The following MXD3 variants were observed in gnomAD, a reference collection of about 807,000 sequenced individuals.
MXD3 encodes Max-associated protein 3.
In MXD3, 20 loss-of-function variants were observed where a neutral mutation model predicts 27.5. The ratio of observed to expected loss-of-function variants is 0.73; its 90% CI spans 0.51 to 1.06. The LOEUF (loss-of-function observed/expected upper bound fraction) is 1.06. Ranked by LOEUF, MXD3 falls within the 50% of genes least tolerant of loss-of-function variation. The pLI is 0.00. For missense variants in MXD3, 298 were observed against 291.3 expected (o/e 1.02, Z -0.17); for synonymous variants, 150 against 130.7 (o/e 1.15, Z -1.01).
At chr5:177,306,891 T>G, downstream of MXD3, 2 of 746,880 alleles carry the variant, frequency 2.7e-6, no homozygotes, top group Non-Finnish European at 4.2e-6. Context: ...GGTTTTGTTC[T>G]CTGATGTGTC....
In MXD3 at chr5:177,311,359, G is replaced by A. The variant is rs1408041824; in HGVS notation, c.176+20C>T. On this transcript the variant is annotated intron_variant, in intron 2 of 5. Transcript: ENST00000439742. ...GGCGCCCACCCCCACCCCCACTCCCGCCGCCCCCGGCCTCCTCACCGCCCG... is the reference window on the plus strand; with the variant it reads ...GGCGCCCACCCCCACCCCCACTCCCACCGCCCCCGGCCTCCTCACCGCCCG... 1.7e-5 allele frequency: 11 copies of A among 655,088 alleles called. No homozygotes were observed. Among genetic ancestry groups the A allele is most frequent in the South Asian group, 2.1e-5 (1 of 48,450 alleles). 40.6% of individuals were successfully genotyped at this position (655,088 alleles called of 1,614,324 possible). A position where few individuals can be genotyped will look rare whatever the true frequency, so the allele number is the denominator to read the frequency against.
chr5:177,312,022 C>G (rs1176049423), upstream of MXD3: 1 of 1,261,844 alleles, frequency 7.9e-7, no homozygotes, highest in Non-Finnish European at 1.0e-6. Context: ...CGCAGCCCAC[C>G]CTCCGGCAGC....
Position 177,311,777 on chromosome 5 carries a change from CAGGA to C in MXD3, c.50_53del (p.Phe17TrpfsTer56). 1 of 1,613,152 alleles carries C rather than the reference CAGGA, an allele frequency of 6.2e-7. No homozygotes were observed. Among genetic ancestry groups the C allele is most frequent in the Non-Finnish European group, 8.5e-7 (1 of 1,179,590 alleles). On this transcript the variant is annotated frameshift_variant, in exon 1 of 6. Transcript: ENST00000439742. LOFTEE classifies it high-confidence loss of function. ...CTTCCTCACCTCTCTCACGGCGCTC[CAGGA>C]ACTCGGCCGCCTGCAGCAGGACCTG...
downstream of MXD3, chr5:177,306,668 T>C (rs1324210425): frequency 4.0e-6 from 6 of 1,489,276 alleles, no homozygotes; most frequent in Non-Finnish European, 5.4e-6. Flanking sequence ...TCCAGCCCTG[T>C]CTGCTGTCTA....
chr5:177,312,435 G>A, upstream of MXD3: 1 of 985,548 alleles, frequency 1.0e-6, no homozygotes. Flanking sequence ...TGATCCACAC[G>A]TTCGGGCGGG....
At chr5:177,308,072 C>T (rs1021114360) in intron 4 of MXD3, 108 bp from the exon 5 acceptor site, 43 of 1,094,746 alleles carry the variant, frequency 3.9e-5, no homozygotes, top group East Asian at 2.1e-4. Context: ...ATGCCCACTC[C>T]GGGCAGGTGG....
downstream of MXD3, chr5:177,306,243 C>G: frequency 6.3e-7 from 1 of 1,576,246 alleles, no homozygotes; most frequent in Non-Finnish European, 8.7e-7. Context: ...GGCGTGGAGT[C>G]TGGGTTAGTC....
At chr5:177,308,379 T>G (rs983229679) in intron 4 of MXD3, among the ~76,000 whole-genome samples, 1 of 145,432 alleles carries the variant, frequency 6.9e-6, no homozygotes. Context: ...TTGTTTTTTG[T>G]TTTTTTTTTT....
downstream of MXD3, chr5:177,307,159 C>G (rs1298601958): frequency 6.5e-7 from 1 of 1,547,068 alleles, no homozygotes; most frequent in Admixed American, 2.0e-5. Context: ...TCCAGTGGGT[C>G]TGTGGTTGGG....
At chr5:177,307,122 G>C, downstream of MXD3, 1 of 1,515,974 alleles carries the variant, frequency 6.6e-7, no homozygotes, top group Non-Finnish European at 8.9e-7. Flanking sequence ...AACAGTGTCA[G>C]TGATGGGAAC....
rs1456777983 is a variant in MXD3 at position 177,310,382 on chromosome 5, C to T, written c.321+44G>A. 2.0e-6 allele frequency: 3 copies of T among 1,509,486 alleles called. No homozygotes were observed. In the South Asian group the frequency reaches 3.6e-5, roughly 18 times the overall value. 93.5% of individuals were successfully genotyped at this position (1,509,486 alleles called of 1,614,324 possible). On this transcript the variant is annotated intron_variant, in intron 4 of 5. Coordinates refer to ENST00000439742, the MANE Select transcript of MXD3 (RefSeq NM_031300.4). ...CCAGCCCCTCCATAGCACAGCCCTC[C>T]ATACACCAGGGCAAGCCAGTCCGGG...
chr5:177,305,788 A>C (rs1157258742), downstream of MXD3: 1 of 1,168,434 alleles, frequency 8.6e-7, no homozygotes, highest in Non-Finnish European at 1.3e-6. Flanking sequence ...GCTTCGCCTC[A>C]TGAAAAGTGA....
intron 4 of MXD3, among the ~76,000 whole-genome samples, chr5:177,309,782 C>T (rs1760988726): frequency 6.6e-6 from 1 of 152,256 alleles, no homozygotes; most frequent in Non-Finnish European, 1.5e-5. Context: ...CTCTAGAGGG[C>T]AGGAAAAGTC....
chr5:177,311,983 C>T (rs1489868102), upstream of MXD3: 8 of 1,305,902 alleles, frequency 6.1e-6, no homozygotes, highest in Non-Finnish European at 6.9e-6. Flanking sequence ...CAGCCCTTGG[C>T]TCCGCCCCTC....
In MXD3 at chr5:177,307,394, G is replaced by A. The variant is rs760854040; in HGVS notation, c.*194C>T. 14 of 1,490,280 alleles carry A rather than the reference G, an allele frequency of 9.4e-6. No homozygotes were observed. The South Asian group carries it at 1.3e-4, about 14-fold the overall frequency. 92.3% of individuals were successfully genotyped at this position (1,490,280 alleles called of 1,614,324 possible). A position where few individuals can be genotyped will look rare whatever the true frequency, so the allele number is the denominator to read the frequency against. On this transcript the variant is annotated 3_prime_UTR_variant, in exon 6 of 6. Transcript: ENST00000439742. ...GTCCAGGGAGGTCCTGATGAGTCCT[G>A]CCCCTTCCCTTCCAGAGGGCCTGCC... is the stretch of plus-strand genomic sequence containing the variant.
chr5:177,311,947 C>T, upstream of MXD3: 2 of 1,215,334 alleles, frequency 1.6e-6, no homozygotes, highest in Non-Finnish European at 2.1e-6. Context: ...GCCCCGCCCC[C>T]GGGACGCCCC....
At chr5:177,306,754 T>C, downstream of MXD3, 1 of 1,044,750 alleles carries the variant, frequency 9.6e-7, no homozygotes, top group Non-Finnish European at 1.4e-6. Context: ...CCAGGTCTGC[T>C]TATTCTCCCA....
In MXD3 at chr5:177,311,796, A is replaced by T; in HGVS notation, c.35T>A (p.Leu12Gln). ...EPLASNIQVL[L>Q]QAAEFLERRE... ...GCGCTCCAGGAACTCGGCCGCCTGC[A>T]GCAGGACCTGGATGTTGCTGGCCAA... The change falls in exon 1 of 6, where the codon CTG becomes CAG. Residue 12 changes from leucine to glutamine, a missense_variant. Leu to Gln is a moderately radical substitution (Grantham distance 113, BLOSUM62 -2). Coordinates refer to ENST00000439742, the MANE Select transcript of MXD3 (RefSeq NM_031300.4). 1 of 1,613,162 alleles carries T rather than the reference A, an allele frequency of 6.2e-7. No homozygotes were observed. The highest frequency in any genetic ancestry group is 8.5e-7 in the Non-Finnish European group (1 of 1,179,554).
downstream of MXD3, chr5:177,305,799 CAG>C: frequency 1.6e-6 from 2 of 1,274,356 alleles, no homozygotes; most frequent in Admixed American, 1.8e-5. Flanking sequence ...TGAAAAGTGA[CAG>C]GGAGTCAGAT....
Sources: allele counts gnomAD v4.1 joint callset (sites outside exome capture counted in the v4.1 genomes callset), GRCh38; gene constraint gnomAD v4.1.1; transcripts MANE v1.5; gene names NCBI Gene and HGNC (gene_info 2026-07-23, HGNC 2026-07-21).